The following RGS5 variants were observed in gnomAD, a reference collection of about 807,000 sequenced individuals.
The protein encoded by RGS5 is regulator of G protein signaling 5.
In RGS5, 20 loss-of-function variants were observed where a neutral mutation model predicts 18.9. That is an observed-to-expected ratio of 1.06 (90% CI 0.74 to 1.54). The LOEUF (loss-of-function observed/expected upper bound fraction) is 1.54. RGS5 is among the 40% of genes most tolerant of loss of function. RGS5 has a pLI of 0.00. For synonymous variants in RGS5, 57 were observed against 76.2 expected, an observed-to-expected ratio of 0.75 and a Z score of 1.31; for missense variants, 201 against 211.8, an observed-to-expected ratio of 0.95 and a Z score of 0.32.
chr1:163,172,581 C>T (rs1658353006), intron 1 of RGS5: 1 of 1,549,724 alleles, frequency 6.5e-7, no homozygotes, highest in Admixed American at 2.0e-5. Context: ...TACTCTTTTC[C>T]TCATATTTGC....
intron 2 of RGS5, among the ~76,000 whole-genome samples, chr1:163,282,138 T>C (rs890989789): frequency 1.3e-5 from 2 of 152,074 alleles, no homozygotes; most frequent in Non-Finnish European, 2.9e-5. Flanking sequence ...ATCTATGGCA[T>C]GAAGAGACAA....
intron 2 of RGS5, among the ~76,000 whole-genome samples, chr1:163,246,997 T>C (rs1263076841): frequency 2.6e-5 from 4 of 152,140 alleles, no homozygotes. Context: ...AGCCAAATAC[T>C]GCATGTTCTC....
At chr1:163,183,497 T>G (rs114292403) in intron 1 of RGS5, among the ~76,000 whole-genome samples, 12 of 152,234 alleles carry the variant, frequency 7.9e-5, no homozygotes, top group Admixed American at 7.2e-4. Flanking sequence ...AGCTGTGATA[T>G]GGCAGAAAGA....
chr1:163,255,152 A>C (rs537552025), intron 2 of RGS5, among the ~76,000 whole-genome samples: 1 of 152,192 alleles, frequency 6.6e-6, no homozygotes, highest in South Asian at 2.1e-4. Context: ...GTTCCATATG[A>C]ACTTTAAAGT....
intron 2 of RGS5, among the ~76,000 whole-genome samples, chr1:163,249,168 T>C (rs1648030918): frequency 6.6e-6 from 1 of 152,182 alleles, no homozygotes; most frequent in African/African-American, 2.4e-5. Flanking sequence ...TAAATATAGG[T>C]GTAGATGGAG....
At chr1:163,180,483 C>T (rs892125049) in intron 1 of RGS5, among the ~76,000 whole-genome samples, 10 of 152,128 alleles carry the variant, frequency 6.6e-5, no homozygotes, top group African/African-American at 2.4e-4. Context: ...TCTCAAACTT[C>T]AGTGTACACC....
chr1:163,301,224 A>G (rs183375942), intron 2 of RGS5, among the ~76,000 whole-genome samples: 1 of 152,206 alleles, frequency 6.6e-6, no homozygotes, highest in Non-Finnish European at 1.5e-5. Context: ...CAGAGAACAA[A>G]TTTATCATCA....
intron 2 of RGS5, chr1:163,237,277 T>A (rs1291021123): frequency 1.9e-5 from 3 of 155,324 alleles, no homozygotes; most frequent in Admixed American, 1.3e-4. Flanking sequence ...TAGGCTGCCT[T>A]CCGAAGCAAC....
intron 1 of RGS5, among the ~76,000 whole-genome samples, chr1:163,314,574 T>G (rs1358488976): frequency 6.6e-6 from 1 of 151,894 alleles, no homozygotes; most frequent in Non-Finnish European, 1.5e-5. Flanking sequence ...AAAAAAAACC[T>G]ACTTATCCCC....
At chr1:163,163,953 A>G (rs1031873181) in intron 2 of RGS5, among the ~76,000 whole-genome samples, 1 of 152,216 alleles carries the variant, frequency 6.6e-6, no homozygotes, top group Non-Finnish European at 1.5e-5. Context: ...AAACTTAAGC[A>G]TGTTATCCAA....
chr1:163,282,155 G>T (rs1393912169), intron 2 of RGS5, among the ~76,000 whole-genome samples: 1 of 152,032 alleles, frequency 6.6e-6, no homozygotes, highest in Non-Finnish European at 1.5e-5. Context: ...ACAACTTGTA[G>T]AATGGGAGAA....
intron 3 of RGS5, among the ~76,000 whole-genome samples, chr1:163,154,275 C>A (rs1005995758): frequency 3.3e-5 from 5 of 152,050 alleles, no homozygotes; most frequent in Non-Finnish European, 5.9e-5. Context: ...AAAACAAAGA[C>A]GCTATATATA....
intron 1 of RGS5, among the ~76,000 whole-genome samples, chr1:163,185,693 G>A (rs1451060516): frequency 1.3e-5 from 2 of 152,184 alleles, no homozygotes; most frequent in African/African-American, 4.8e-5. Context: ...AGGTTTGGCT[G>A]CAAGGTTGTT....
upstream of RGS5, among the ~76,000 whole-genome samples, chr1:163,218,046 A>AG (rs1385766919): frequency 6.6e-6 from 1 of 152,116 alleles, no homozygotes; most frequent in East Asian, 1.9e-4. Context: ...GAAAAAAAAA[A>AG]AAATTGTGTA....
chr1:163,149,866 T>C (rs1657303807), intron 4 of RGS5, among the ~76,000 whole-genome samples: 1 of 152,156 alleles, frequency 6.6e-6, no homozygotes, highest in East Asian at 1.9e-4. Flanking sequence ...AGTTGGAGAA[T>C]TTTTTAAGTA....
chr1:163,300,757 A>G (rs945715582), intron 2 of RGS5: 1 of 152,220 alleles, frequency 6.6e-6, no homozygotes, highest in Non-Finnish European at 1.5e-5. Flanking sequence ...AGAAAGAAGC[A>G]CTGCCAAAAA....
chr1:163,319,539 T>C (rs1650128166), intron 1 of RGS5, among the ~76,000 whole-genome samples: 1 of 152,096 alleles, frequency 6.6e-6, no homozygotes, highest in Non-Finnish European at 1.5e-5. Context: ...GGGAAAGAGC[T>C]GAAGATGGAG....
At chr1:163,251,440 C>A (rs1475220042) in intron 2 of RGS5, among the ~76,000 whole-genome samples, 1 of 152,138 alleles carries the variant, frequency 6.6e-6, no homozygotes, top group Non-Finnish European at 1.5e-5. Context: ...ACCACTCTAA[C>A]AGTCTCTGGC....
upstream of RGS5, among the ~76,000 whole-genome samples, chr1:163,221,159 C>A (rs1647220722): frequency 6.6e-6 from 1 of 152,134 alleles, no homozygotes; most frequent in South Asian, 2.1e-4. Flanking sequence ...TATCAGCCAA[C>A]TTCTTTCCTC....
Sources: gnomAD v4.1 joint callset for allele counts (sites outside exome capture counted in the v4.1 genomes callset) on GRCh38, gnomAD v4.1.1 for gene constraint, MANE v1.5 for transcripts, NCBI Gene and HGNC (gene_info 2026-07-23, HGNC 2026-07-21) for gene names.